Variants in PGGT1B observed in about 807,000 individuals in gnomAD.
PGGT1B encodes geranylgeranyl transferase type-1 subunit beta.
In PGGT1B, 30 loss-of-function variants were observed where a neutral mutation model predicts 46.1. That is an observed-to-expected ratio of 0.65 (90% CI 0.49 to 0.88). PGGT1B has a LOEUF of 0.88. PGGT1B is among the 40% of genes least tolerant of loss of function. The probability of loss-of-function intolerance (pLI) is 0.00; values close to 1 mark genes in which losing one functional copy is unlikely to be tolerated. For synonymous variants in PGGT1B, 170 were observed against 160.0 expected, an observed-to-expected ratio of 1.06 and a Z score of -0.47; for missense variants, 376 against 455.9, an observed-to-expected ratio of 0.82 and a Z score of 1.60.
intron 5 of PGGT1B, 126 bp downstream of exon 5, chr5:115,236,264 C>A (rs1757178599): frequency 2.9e-6 from 2 of 686,066 alleles, no homozygotes; most frequent in Middle Eastern, 4.1e-4. Context: ...ACACAATTTA[C>A]CAAAAAGCAA....
At chr5:115,248,498 C>A (rs917794833) in intron 2 of PGGT1B, among the ~76,000 whole-genome samples, 1 of 152,154 alleles carries the variant, frequency 6.6e-6, no homozygotes, top group African/African-American at 2.4e-5. Context: ...ACACACAATT[C>A]CCAACCTGAC....
At chr5:115,217,370 AT>A (rs1045697354) in intron 7 of PGGT1B, among the ~76,000 whole-genome samples, 3 of 149,766 alleles carry the variant, frequency 2.0e-5, no homozygotes, top group Non-Finnish European at 3.0e-5. Context: ...AATTAAAAAT[AT>A]TTTTTAAAAA....
intron 4 of PGGT1B, among the ~76,000 whole-genome samples, 160 bp from the exon 5 acceptor site, chr5:115,236,682 A>G (rs1263482999): frequency 6.6e-6 from 1 of 152,174 alleles, no homozygotes; most frequent in Non-Finnish European, 1.5e-5. Flanking sequence ...TCAATAAAGA[A>G]TAAGACTACT....
At chr5:115,252,552 G>C (rs1235205991) in intron 2 of PGGT1B, among the ~76,000 whole-genome samples, 2 of 151,944 alleles carry the variant, frequency 1.3e-5, no homozygotes, top group African/African-American at 2.4e-5. Flanking sequence ...ATACTTAATA[G>C]AGTGAATAAC....
chr5:115,217,901 A>C (rs1756469568), intron 7 of PGGT1B, among the ~76,000 whole-genome samples: 1 of 151,952 alleles, frequency 6.6e-6, no homozygotes, highest in Non-Finnish European at 1.5e-5. Flanking sequence ...TAATAGTAAC[A>C]CTGCACTTGG....
At chr5:115,242,423 TC>T (rs1217636520) in intron 2 of PGGT1B, among the ~76,000 whole-genome samples, 2 of 152,166 alleles carry the variant, frequency 1.3e-5, no homozygotes, top group Non-Finnish European at 2.9e-5. Flanking sequence ...ATCGAGTTGG[TC>T]TAAAAATAGT....
rs976962348 is a variant in PGGT1B at position 115,207,665 on chromosome 5, T to C, written c.*4737A>G. On this transcript the variant is annotated 3_prime_UTR_variant, in exon 9 of 9. Coordinates refer to ENST00000419445, the MANE Select transcript of PGGT1B (RefSeq NM_005023.4). The stretch of plus-strand genomic sequence containing the variant: ...ATTTAATAGCTACTTTACTAAGTTC[T>C]TTTATTGTTTAGTTTTTCAACAAGT... 3 of 152,070 alleles carry C rather than the reference T, an allele frequency of 2.0e-5. No individual in the cohort carries two copies. Among genetic ancestry groups the C allele is most frequent in the African/African-American group, 7.2e-5 (3 of 41,442 alleles). The allele number at this position is 152,070 out of a possible 1,614,324, so 9.4% of individuals were successfully genotyped here.
intron 2 of PGGT1B, among the ~76,000 whole-genome samples, chr5:115,243,201 C>T (rs1334668236): frequency 6.6e-6 from 1 of 152,142 alleles, no homozygotes; most frequent in African/African-American, 2.4e-5. Context: ...ACACTCATAA[C>T]CTTTTGACCT....
At position 115,210,351 on chromosome 5, in the gene PGGT1B, G is replaced by C. The variant is rs1008339651; in HGVS notation, c.*2051C>G. On this transcript the variant is annotated 3_prime_UTR_variant, in exon 9 of 9. Coordinates refer to ENST00000419445, the MANE Select transcript of PGGT1B (RefSeq NM_005023.4). ...AATATTGCTTATAATTTATTTAATC[G>C]ATAAATGCTTTTCTTGTAAATAACT... The C allele has an allele frequency of 1.3e-5, 2 of 151,954 alleles. No homozygotes were observed. The highest frequency in any genetic ancestry group is 2.9e-5 in the Non-Finnish European group (2 of 67,936). 9.4% of individuals were successfully genotyped at this position (151,954 alleles called of 1,614,324 possible). A position where few individuals can be genotyped will look rare whatever the true frequency, so the allele number is the denominator to read the frequency against.
chr5:115,253,590 T>C (rs1748194162), intron 1 of PGGT1B, among the ~76,000 whole-genome samples: 1 of 151,900 alleles, frequency 6.6e-6, no homozygotes, highest in African/African-American at 2.4e-5. Flanking sequence ...TCAGTACAAA[T>C]AGTACAGGAC....
chr5:115,223,975 G>T (rs1222477640), intron 6 of PGGT1B, among the ~76,000 whole-genome samples: 6 of 152,166 alleles, frequency 3.9e-5, no homozygotes. Flanking sequence ...TGTATTCTCT[G>T]GCAAAGGAAA....
At chr5:115,224,691 G>A (rs1157612252) in intron 6 of PGGT1B, among the ~76,000 whole-genome samples, 1 of 152,060 alleles carries the variant, frequency 6.6e-6, no homozygotes, top group African/African-American at 2.4e-5. Context: ...GCAACATAAG[G>A]AGACCCTGTC....
Position 115,262,556 on chromosome 5 carries a change from G to A in PGGT1B, c.140+156C>T, listed in dbSNP as rs1174766796. ...CAGACCTTCCCACCGTACGGCGGGA[G>A]AGTGGGGGTAACCTCAAGCCCACTT... is the stretch of plus-strand genomic sequence containing the variant. On this transcript the variant is annotated intron_variant, in intron 1 of 8. Coordinates refer to ENST00000419445, the MANE Select transcript of PGGT1B (RefSeq NM_005023.4). The A allele has an allele frequency of 9.3e-6, 7 of 755,456 alleles. No homozygotes were observed. In the African/African-American group the frequency reaches 1.1e-4, roughly 11 times the overall value. 46.8% of individuals were successfully genotyped at this position (755,456 alleles called of 1,614,324 possible). A position where few individuals can be genotyped will look rare whatever the true frequency, so the allele number is the denominator to read the frequency against.
intron 3 of PGGT1B, among the ~76,000 whole-genome samples, chr5:115,238,291 A>ATTTTTTTTTTTGTT (rs1757246099): frequency 2.1e-5 from 1 of 46,964 alleles, no homozygotes; most frequent in African/African-American, 7.8e-5. Flanking sequence ...ATTTTTTTGG[A>ATTTTTTTTTTTGTT]TTTTTTTTTT....
At chr5:115,247,076 A>C (rs544793138) in intron 2 of PGGT1B, among the ~76,000 whole-genome samples, 93 of 152,324 alleles carry the variant, frequency 6.1e-4, no homozygotes, top group Non-Finnish European at 1.1e-3. Context: ...TTTGTACATG[A>C]AAATTTATTA....
chr5:115,223,900 T>C (rs928106761), intron 6 of PGGT1B, among the ~76,000 whole-genome samples: 3 of 152,194 alleles, frequency 2.0e-5, no homozygotes, highest in African/African-American at 7.2e-5. Flanking sequence ...ATTTCAGCAA[T>C]TTAAATGCCT....
intron 2 of PGGT1B, among the ~76,000 whole-genome samples, chr5:115,244,116 T>C (rs779449303): frequency 1.3e-5 from 2 of 152,168 alleles, no homozygotes; most frequent in Non-Finnish European, 2.9e-5. Context: ...GTACCCAGAT[T>C]AGTATTTGAC....
intron 5 of PGGT1B, among the ~76,000 whole-genome samples, chr5:115,232,788 T>G (rs1029914766): frequency 1.3e-5 from 2 of 151,948 alleles, no homozygotes; most frequent in Non-Finnish European, 2.9e-5. Flanking sequence ...ACTGGCTATA[T>G]GGAAGGCACT....
Position 115,210,831 on chromosome 5 carries a change from C to A in PGGT1B, c.*1571G>T, listed in dbSNP as rs935117202. The A allele has an allele frequency of 4.6e-5, 7 of 151,962 alleles. No homozygotes were observed. Among genetic ancestry groups the A allele is most frequent in the African/African-American group, 1.7e-4 (7 of 41,410 alleles). 9.4% of individuals were successfully genotyped at this position (151,962 alleles called of 1,614,324 possible). A position where few individuals can be genotyped will look rare whatever the true frequency, so the allele number is the denominator to read the frequency against. On this transcript the variant is annotated 3_prime_UTR_variant, in exon 9 of 9. Transcript: ENST00000419445. ...GGAATAACCCATAGACGGATAACAT[C>A]TGTTATTAAGCTTACTTTTTCCCCC...
Sources: allele counts gnomAD v4.1 joint callset (sites outside exome capture counted in the v4.1 genomes callset), GRCh38; gene constraint gnomAD v4.1.1; transcripts MANE v1.5; gene names NCBI Gene and HGNC (gene_info 2026-07-23, HGNC 2026-07-21).